The following COPZ1 variants were observed in gnomAD, a reference collection of about 807,000 sequenced individuals.
COPZ1 encodes coat protein complex I subunit zeta 1.
A neutral mutation model predicts 31.7 loss-of-function variants in COPZ1; 4 were observed. The ratio of observed to expected loss-of-function variants is 0.13; its 90% CI spans 0.06 to 0.29. The LOEUF is 0.29. Among genes scored for constraint, COPZ1 ranks in the 10% least tolerant of loss-of-function variants. The pLI is 1.00. For synonymous variants in COPZ1, 74 were observed against 79.0 expected (o/e 0.94, Z 0.33); for missense variants, 156 against 211.5 (o/e 0.74, Z 1.63).
chr12:54,347,682 G>A lies in COPZ1; in HGVS notation c.318-85G>A, dbSNP rs895496575. On this transcript the variant is annotated intron_variant, in intron 5 of 8. Transcript: ENST00000262061. The stretch of plus-strand genomic sequence containing the variant: ...GTTGGTGGAGATGTTTATTGGTCTA[G>A]TTTAGGTTCCTCAATTGAGACAAGG... 3.3e-6 allele frequency: 4 copies of A among 1,216,282 alleles called. No homozygotes were observed. The Admixed American group carries it at 9.3e-5, about 28-fold the overall frequency. 75.3% of individuals were successfully genotyped at this position (1,216,282 alleles called of 1,614,324 possible).
At chr12:54,336,511 T>C (rs1953867238) in intron 1 of COPZ1, among the ~76,000 whole-genome samples, 1 of 151,274 alleles carries the variant, frequency 6.6e-6, no homozygotes, top group South Asian at 2.1e-4. Flanking sequence ...CACTCCAGCC[T>C]GGGCGACAGA....
rs1057394771 is a variant in COPZ1 at position 54,348,218 on chromosome 12, CAAAG to C, written c.447+174_447+177del. The C allele has an allele frequency of 2.7e-5, 17 of 624,776 alleles. No homozygotes were observed. In the East Asian group the frequency reaches 4.4e-4, roughly 16 times the overall value. 38.7% of individuals were successfully genotyped at this position (624,776 alleles called of 1,614,324 possible). On this transcript the variant is annotated intron_variant, in intron 7 of 8. Transcript: ENST00000262061. Reference sequence around the variant, plus strand: ...CTCTTCCCTTCTCTTCTTATTGTCCCAAAGAAAGAAGCAGAAATAACTTATTTCT... The same window carrying C: ...CTCTTCCCTTCTCTTCTTATTGTCCCAAAGAAGCAGAAATAACTTATTTCT...
chr12:54,350,149 C>T (rs1218310608), intron 8 of COPZ1: 4 of 658,244 alleles, frequency 6.1e-6, no homozygotes, highest in Non-Finnish European at 1.1e-5. Context: ...TTGGAATTCT[C>T]ACCAAGAAGT....
At chr12:54,339,836 T>C (rs1287804672) in intron 1 of COPZ1, among the ~76,000 whole-genome samples, 3 of 152,206 alleles carry the variant, frequency 2.0e-5, no homozygotes, top group Admixed American at 6.5e-5. Flanking sequence ...TCACTGCTTC[T>C]TAACTCCCCC....
chr12:54,328,389 G>A (rs1278788526), intron 1 of COPZ1, among the ~76,000 whole-genome samples: 33 of 151,962 alleles, frequency 2.2e-4, no homozygotes, highest in Admixed American at 2.2e-3. Flanking sequence ...GACCAACATG[G>A]TGAAACCCGG....
At chr12:54,340,640 T>G in intron 2 of COPZ1, 25 bp downstream of exon 2, 1 of 1,610,366 alleles carries the variant, frequency 6.2e-7, no homozygotes, top group South Asian at 1.1e-5. Flanking sequence ...CGAATTAGTT[T>G]AGGAACAGCA....
rs1000695211 is a variant in COPZ1, at chr12:54,328,690, T to A, written c.18+3509T>A. 1.4e-4 allele frequency among the ~76,000 whole-genome samples: 21 copies of A among 152,358 alleles called. No individual in the cohort carries two copies. In the East Asian group the frequency reaches 3.9e-3, roughly 28 times the overall value. ...TTATTCTTTTGCTTTAATCTATGCC[T>A]AATAGGCTGCATTCACAGATCCCTG... On this transcript the variant is annotated intron_variant, in intron 1 of 8. Coordinates refer to ENST00000262061, the MANE Select transcript of COPZ1 (RefSeq NM_016057.3).
At chr12:54,345,611 GC>G in intron 5 of COPZ1, 96 bp downstream of exon 5, 1 of 995,656 alleles carries the variant, frequency 1.0e-6, no homozygotes, top group Non-Finnish European at 1.6e-6. Context: ...CATTCTTCAG[GC>G]CCAGGGATTG....
At chr12:54,338,911 C>T (rs1410971990) in intron 1 of COPZ1, among the ~76,000 whole-genome samples, 1 of 152,172 alleles carries the variant, frequency 6.6e-6, no homozygotes, top group Non-Finnish European at 1.5e-5. Context: ...AACCATAAAC[C>T]TCCTGAAGCC....
intron 1 of COPZ1, among the ~76,000 whole-genome samples, chr12:54,328,339 A>G (rs1192276261): frequency 6.7e-6 from 1 of 150,310 alleles, no homozygotes; most frequent in African/African-American, 2.4e-5. Context: ...TGGGAGGCCG[A>G]GGTGGGCGGA....
rs35812416 is a variant in COPZ1 at position 54,332,948 on chromosome 12, C to T, written c.19-7599C>T. Among the ~76,000 whole-genome samples, 1,353 of 152,126 alleles carry T rather than the reference C, an allele frequency of 8.9e-3. 8 individuals carry two copies. Among genetic ancestry groups the T allele is most frequent in the Non-Finnish European group, 0.015 (1,049 of 68,002 alleles). On this transcript the variant is annotated intron_variant, in intron 1 of 8. Transcript: ENST00000262061. ...CTCATTTCCCCTCTTTTTCCTGCCC[C>T]CTCCACACCATCTTATTATCTCCAG...
At chr12:54,331,943 C>T (rs564574846) in intron 1 of COPZ1, among the ~76,000 whole-genome samples, 25 of 152,288 alleles carry the variant, frequency 1.6e-4, no homozygotes, top group African/African-American at 5.3e-4. Flanking sequence ...TCTCTCTTCC[C>T]AGCAGTACTG....
chr12:54,331,003 C>T (rs1953740437), intron 1 of COPZ1, among the ~76,000 whole-genome samples: 1 of 152,140 alleles, frequency 6.6e-6, no homozygotes, highest in Non-Finnish European at 1.5e-5. Context: ...GGTTTCCTTA[C>T]ATCAGATTAT....
chr12:54,342,332 T>C (rs776174053), intron 3 of COPZ1, 45 bp downstream of exon 3: 42 of 1,409,998 alleles, frequency 3.0e-5, no homozygotes, highest in Non-Finnish European at 4.0e-5. Flanking sequence ...GGGGGAACCA[T>C]GGTGGAAAGG....
chr12:54,329,943 A>G (rs1431235647), intron 1 of COPZ1, among the ~76,000 whole-genome samples: 1 of 152,178 alleles, frequency 6.6e-6, no homozygotes, highest in Non-Finnish European at 1.5e-5. Flanking sequence ...CAGTAGAGGT[A>G]CTTGGCCTAA....
rs577636827 is a variant in COPZ1, at chr12:54,326,888, G to A, written c.18+1707G>A. Among the ~76,000 whole-genome samples, 3 of 146,214 alleles carry A rather than the reference G, an allele frequency of 2.1e-5. No individual in the cohort carries two copies. In the East Asian group the frequency reaches 6.0e-4, roughly 29 times the overall value. ...GACAGTTAATTCCTTATGTCGGTTG[G>A]TCAAATATAGGTAAAAAGCTTAAAA... On this transcript the variant is annotated intron_variant, in intron 1 of 8. Coordinates refer to ENST00000262061, the MANE Select transcript of COPZ1 (RefSeq NM_016057.3).
At chr12:54,348,094 A>G (rs760212616) in intron 7 of COPZ1, 43 bp downstream of exon 7, 1 of 1,597,940 alleles carries the variant, frequency 6.3e-7, no homozygotes, top group Non-Finnish European at 8.6e-7. Flanking sequence ...ATCTATTCAC[A>G]AACACCCTCC....
chr12:54,328,522 G>A (rs571696863), intron 1 of COPZ1, among the ~76,000 whole-genome samples: 1 of 152,194 alleles, frequency 6.6e-6, no homozygotes, highest in African/African-American at 2.4e-5. Flanking sequence ...GCCGAGATGC[G>A]CCACTGCACT....
intron 7 of COPZ1, among the ~76,000 whole-genome samples, chr12:54,349,320 C>A (rs1486594265): frequency 6.6e-6 from 1 of 152,096 alleles, no homozygotes; most frequent in Non-Finnish European, 1.5e-5. Flanking sequence ...GGTCCTCCAC[C>A]CCCACGTTAA....
Sources: gnomAD v4.1 joint callset for allele counts (sites outside exome capture counted in the v4.1 genomes callset) on GRCh38, gnomAD v4.1.1 for gene constraint, MANE v1.5 for transcripts, NCBI Gene and HGNC (gene_info 2026-07-23, HGNC 2026-07-21) for gene names.